Variants in BSCL2 observed in about 807,000 individuals in gnomAD.
The protein encoded by BSCL2 is BSCL2 lipid droplet biogenesis associated, seipin.
A neutral mutation model predicts 57.4 loss-of-function variants in BSCL2; 41 were observed. That is an observed-to-expected ratio of 0.71 (90% confidence interval 0.56 to 0.93). The LOEUF (loss-of-function observed/expected upper bound fraction) is 0.93, where lower values mean the gene tolerates loss of function less well. Among genes scored for constraint, BSCL2 ranks in the 40% least tolerant of loss-of-function variants. The pLI is 0.00. For synonymous variants in BSCL2, 237 were observed against 227.3 expected, an observed-to-expected ratio of 1.04 and a Z score of -0.38; for missense variants, 539 against 586.7, an observed-to-expected ratio of 0.92 and a Z score of 0.84.
At chr11:62,702,003 G>A (rs1303990716) in intron 3 of BSCL2, among the ~76,000 whole-genome samples, 1 of 151,994 alleles carries the variant, frequency 6.6e-6, no homozygotes, top group Non-Finnish European at 1.5e-5. Flanking sequence ...AACACCTGCT[G>A]CAGAAAGATC....
At chr11:62,692,278 T>C in intron 6 of BSCL2, 98 bp downstream of exon 6, 1 of 1,275,970 alleles carries the variant, frequency 7.8e-7, no homozygotes, top group Admixed American at 1.9e-5. Flanking sequence ...CCAAGTCAGC[T>C]CTGCTCTGTA....
intron 3 of BSCL2, among the ~76,000 whole-genome samples, chr11:62,700,983 G>A (rs1945622759): frequency 6.6e-6 from 1 of 151,734 alleles, no homozygotes; most frequent in Admixed American, 6.6e-5. Flanking sequence ...TCCTTTATGA[G>A]AGCCTCCTCT....
At position 62,692,403 on chromosome 11, in the gene BSCL2, C is replaced by T. The variant is rs142608646; in HGVS notation, c.836G>A (p.Arg279His). 6.2e-6 allele frequency: 10 copies of T among 1,613,990 alleles called. No individual in the cohort carries two copies. The highest frequency in any genetic ancestry group is 4.0e-5 in the African/African-American group (3 of 74,912). The change falls in exon 6 of 11, where the codon CGC (arginine) becomes CAC (histidine). Residue 279 changes from arginine (R) to histidine (H), a missense_variant. Arg to His is a conservative substitution (Grantham distance 29). Around this residue, in one of 3 missense-constraint regions of BSCL2, gnomAD observed 248 missense variants for 239.9 expected, o/e 1.03. Transcript: ENST00000360796. ...KRIQLYGAYL[R>H]IHAHFTGLRY... ...GAGCCCAGTGAAGTGCGCGTGGATG[C>T]GGAGGTAGGCTCCATACAGCTGGAT...
In BSCL2 at chr11:62,691,096, T is replaced by G. The variant is rs1425357801; in HGVS notation, c.1051A>C (p.Arg351=). 14 of 1,614,232 alleles carry G rather than the reference T, an allele frequency of 8.7e-6. No homozygotes were observed. Among genetic ancestry groups the G allele is most frequent in the Admixed American group, 1.7e-5 (1 of 60,030 alleles). ...TTACCTGGCTGATGAGCAGAGATCC[T>G]TCGTTGGACTTCCTTCCGGGAATTG... is the stretch of plus-strand genomic sequence containing the variant. ...RDNSRKEVQR[R]ISAHQPGPEG... is the part of the protein sequence containing the mutation. Residue 351 remains arginine (R), a synonymous_variant, in exon 8 of 11, where the codon AGG becomes CGG. Coordinates refer to ENST00000360796, the MANE Select transcript of BSCL2 (RefSeq NM_001122955.4).
At chr11:62,692,820 G>C (rs1565144851) in intron 4 of BSCL2, 23 bp from the exon 5 acceptor site, 6 of 1,612,078 alleles carry the variant, frequency 3.7e-6, no homozygotes, top group Non-Finnish European at 5.1e-6. Flanking sequence ...GGAAGCAGAG[G>C]CTGGGGACAG....
rs185341934 is a variant in BSCL2 at position 62,692,394 on chromosome 11, G to A, written c.845C>T (p.Ala282Val). ...QLYGAYLRIH[A>V]HFTGLRYLLY... ...CCCTCACCTGAGCCCAGTGAAGTGCGCGTGGATGCGGAGGTAGGCTCCATA... is the reference window on the plus strand; with the variant it reads ...CCCTCACCTGAGCCCAGTGAAGTGCACGTGGATGCGGAGGTAGGCTCCATA... Residue 282 changes from alanine (A) to valine (V), a missense_variant, in exon 6 of 11, where the codon GCG becomes GTG. Transcript: ENST00000360796. 961 of 1,614,176 alleles carry A rather than the reference G, an allele frequency of 6.0e-4. 11 individuals carry two copies. In the Admixed American group the frequency reaches 8.8e-3, roughly 15 times the overall value.
intron 1 of BSCL2, 150 bp from the exon 2 acceptor site, chr11:62,705,767 C>T: frequency 2.5e-6 from 2 of 794,254 alleles, no homozygotes; most frequent in Non-Finnish European, 3.9e-6. Flanking sequence ...ATGATTGTGC[C>T]ACTCTGCCAA....
At position 62,706,046 on chromosome 11, in the gene BSCL2, G is replaced by T. The variant is rs188841555; in HGVS notation, c.88-429C>A. The stretch of plus-strand genomic sequence containing the variant: ...ACTCGAAACCAGTAGCCTTAGAGTA[G>T]CCACAATTGCTTCCCGAGTTTCTCC... On this transcript the variant is annotated intron_variant, in intron 1 of 10. Transcript: ENST00000360796. The T allele has an allele frequency of 1.3e-4, 33 of 262,720 alleles. No individual in the cohort carries two copies. In the East Asian group the frequency reaches 3.9e-3, roughly 31 times the overall value. 16.3% of individuals were successfully genotyped at this position (262,720 alleles called of 1,614,324 possible).
chr11:62,692,399 G>A lies in BSCL2; in HGVS notation c.840C>T (p.Ile280=). 1 of 1,614,168 alleles carries A rather than the reference G, an allele frequency of 6.2e-7. No individual in the cohort carries two copies. The highest frequency in any genetic ancestry group is 8.5e-7 in the Non-Finnish European group (1 of 1,180,038). Residue 280 remains isoleucine, a synonymous_variant, in exon 6 of 11, where the codon ATC becomes ATT. Coordinates refer to ENST00000360796, the MANE Select transcript of BSCL2 (RefSeq NM_001122955.4). ...RIQLYGAYLR[I]HAHFTGLRYL... is the part of the protein sequence containing the mutation. ...ACCTGAGCCCAGTGAAGTGCGCGTG[G>A]ATGCGGAGGTAGGCTCCATACAGCT... is the stretch of plus-strand genomic sequence containing the variant.
intron 3 of BSCL2, among the ~76,000 whole-genome samples, chr11:62,696,033 C>G (rs1161445175): frequency 6.6e-6 from 1 of 151,976 alleles, no homozygotes; most frequent in Non-Finnish European, 1.5e-5. Flanking sequence ...ATTAGCCGGG[C>G]GTGGTAGCAG....
rs1175925785 is a variant in BSCL2 at position 62,707,373 on chromosome 11, G to A, written c.-178C>T. The stretch of plus-strand genomic sequence containing the variant: ...GTGCTAAGTGCTGTGTCAGAGTAGA[G>A]GGAGGAAAGGAGGAGGGGGGCGACT... On this transcript the variant is annotated 5_prime_UTR_variant, in exon 1 of 11. Coordinates refer to ENST00000360796, the MANE Select transcript of BSCL2 (RefSeq NM_001122955.4). 5 of 720,732 alleles carry A rather than the reference G, an allele frequency of 6.9e-6. 1 individual carries two copies. The highest frequency in any genetic ancestry group is 4.4e-5 in the South Asian group (3 of 67,890). 44.6% of individuals were successfully genotyped at this position (720,732 alleles called of 1,614,324 possible). A position where few individuals can be genotyped will look rare whatever the true frequency, so the allele number is the denominator to read the frequency against.
At chr11:62,690,912 T>C in intron 8 of BSCL2, 45 bp from the exon 9 acceptor site, 1 of 1,604,086 alleles carries the variant, frequency 6.2e-7, no homozygotes, top group Non-Finnish European at 8.5e-7. Flanking sequence ...TTAGGGTGGC[T>C]GTGCCTGGAC....
At chr11:62,707,761 C>T, upstream of BSCL2, 1 of 280,202 alleles carries the variant, frequency 3.6e-6, no homozygotes, top group Non-Finnish European at 7.0e-6. Flanking sequence ...TGGCCTGGCC[C>T]TCCCCAGGGG....
At chr11:62,708,871 A>G (rs1194772898), upstream of BSCL2, 1 of 1,277,682 alleles carries the variant, frequency 7.8e-7, no homozygotes, top group Non-Finnish European at 1.1e-6. Context: ...TAGGTCAGTA[A>G]TTGTTGTGAG....
At position 62,692,802 on chromosome 11, in the gene BSCL2, C is replaced by A. The variant is rs1565144833; in HGVS notation, c.631-5G>T. On this transcript the variant is annotated splice_region_variant and splice_polypyrimidine_tract_variant and intron_variant, in intron 4 of 10. Coordinates refer to ENST00000360796, the MANE Select transcript of BSCL2 (RefSeq NM_001122955.4). ...TGAGCGGTAATGCAGCATCACCTGC[C>A]GGGGGTGGGAAGCAGAGGCTGGGGA... 1.2e-6 allele frequency: 2 copies of A among 1,612,898 alleles called. No individual in the cohort carries two copies. Among genetic ancestry groups the A allele is most frequent in the East Asian group, 4.5e-5 (2 of 44,858 alleles).
In BSCL2 at chr11:62,690,380, C is replaced by T. The variant is rs775890636; in HGVS notation, c.1376G>A (p.Cys459Tyr). The change falls in exon 11 of 11, where the codon TGC becomes TAC. Residue 459 changes from cysteine to tyrosine, a missense_variant. Physicochemically the swap from Cys to Tyr is radical, Grantham distance 194 (BLOSUM62 -2). Around this residue, in one of 3 missense-constraint regions of BSCL2, gnomAD observed 248 missense variants for 239.9 expected, o/e 1.03. Transcript: ENST00000360796. ...AGGALRQRPT[C>Y]SSS ...TGCCCCTTTTCTTCAGGAACTAGAG[C>T]AGGTGGGGCGCTGTCGGAGAGCACC... 4 of 1,614,026 alleles carry T rather than the reference C, an allele frequency of 2.5e-6. No individual in the cohort carries two copies. Among genetic ancestry groups the T allele is most frequent in the Non-Finnish European group, 3.4e-6 (4 of 1,180,038 alleles).
chr11:62,694,766 G>C, intron 3 of BSCL2, 55 bp from the exon 4 acceptor site: 1 of 1,577,352 alleles, frequency 6.3e-7, no homozygotes, highest in Non-Finnish European at 8.6e-7. Flanking sequence ...AAAATGTACT[G>C]TCTCTATTCC....
chr11:62,704,297 G>C (rs528828363), intron 2 of BSCL2, among the ~76,000 whole-genome samples: 1 of 149,114 alleles, frequency 6.7e-6, no homozygotes, highest in Admixed American at 6.8e-5. Context: ...ACTTTGGGAG[G>C]CCAAGGCAGG....
upstream of BSCL2, chr11:62,707,493 TGA>T (rs540585396): frequency 2.4e-4 from 153 of 645,972 alleles, no homozygotes; most frequent in Admixed American, 3.5e-4. Context: ...CCACGCCATT[TGA>T]GAGGGGGAGT....
Sources: allele counts gnomAD v4.1 joint callset (sites outside exome capture counted in the v4.1 genomes callset), GRCh38; gene constraint gnomAD v4.1.1; regional missense constraint gnomAD v4.1.1; transcripts MANE v1.5; gene names NCBI Gene and HGNC (gene_info 2026-07-23, HGNC 2026-07-21).